The following MB21D2 variants were observed in gnomAD, a reference collection of about 807,000 sequenced individuals.
The protein encoded by MB21D2 is nucleotidyltransferase MB21D2.
A neutral mutation model predicts 33.3 loss-of-function variants in MB21D2; 9 were observed. The ratio of observed to expected loss-of-function variants is 0.27; its 90% CI spans 0.16 to 0.47. MB21D2 has a LOEUF of 0.47. Among genes scored for constraint, MB21D2 ranks in the 20% least tolerant of loss-of-function variants. The pLI, the probability that MB21D2 is intolerant of heterozygous loss-of-function variation, is 0.99. For missense variants in MB21D2, 540 were observed against 624.6 expected (o/e 0.86, Z 1.44); for synonymous variants, 241 against 236.3 (o/e 1.02, Z -0.18).
At chr3:192,801,627 A>G (rs949670019) in intron 1 of MB21D2, among the ~76,000 whole-genome samples, 1 of 152,206 alleles carries the variant, frequency 6.6e-6, no homozygotes, top group Non-Finnish European at 1.5e-5. Flanking sequence ...GTGAGGACAC[A>G]GTGAGAAGAC....
chr3:192,872,377 C>G, intron 1 of MB21D2, among the ~76,000 whole-genome samples: 1 of 152,030 alleles, frequency 6.6e-6, no homozygotes, highest in Non-Finnish European at 1.5e-5. Context: ...GAGATCGAGA[C>G]CATCATGGCG....
rs143215278 is a variant in MB21D2, at chr3:192,839,418, TG to T, written c.212-39769del. On this transcript the variant is annotated intron_variant, in intron 1 of 1. Coordinates refer to ENST00000392452, the MANE Select transcript of MB21D2 (RefSeq NM_178496.4). ...GGTGTTCCTGGCAATTAGAACTGGA[TG>T]GGCCCTGTAAAATGTACTTAAACAA... Among the ~76,000 whole-genome samples, 53 of 152,308 alleles carry T rather than the reference TG, an allele frequency of 3.5e-4. 1 individual carries two copies. The East Asian group carries it at 0.01, about 29-fold the overall frequency.
At chr3:192,916,098 T>TATATATATATATATATATA (rs1714458733) in intron 1 of MB21D2, among the ~76,000 whole-genome samples, 1 of 139,168 alleles carries the variant, frequency 7.2e-6, no homozygotes, top group African/African-American at 2.8e-5. Context: ...CTACCAGGTT[T>TATATATATATATATATATA]TATATATATA....
rs1440125304 is a variant in MB21D2, at chr3:192,799,812, A to G, written c.212-162T>C. Among the ~76,000 whole-genome samples, 1 of 152,184 alleles carries G rather than the reference A, an allele frequency of 6.6e-6. No homozygotes were observed. Among genetic ancestry groups the G allele is most frequent in the Non-Finnish European group, 1.5e-5 (1 of 68,038 alleles). On this transcript the variant is annotated intron_variant, in intron 1 of 1. Coordinates refer to ENST00000392452, the MANE Select transcript of MB21D2 (RefSeq NM_178496.4). This position sits in a 1 kb window ranked among gnomAD's most constrained non-coding sequence, Gnocchi z 4.1. Reference sequence around the variant, plus strand: ...GAGACCTGGCCAACAGTACTTTCTCACTAGTGCTAGAATCCACCCTTTTCC... The same window carrying G: ...GAGACCTGGCCAACAGTACTTTCTCGCTAGTGCTAGAATCCACCCTTTTCC...
chr3:192,848,206 C>T (rs1021871886), intron 1 of MB21D2, among the ~76,000 whole-genome samples: 5 of 152,196 alleles, frequency 3.3e-5, no homozygotes, highest in African/African-American at 7.2e-5. Context: ...GCTTAACCCA[C>T]GGAAACTGAC....
intron 1 of MB21D2, among the ~76,000 whole-genome samples, chr3:192,816,980 C>T (rs1711939935): frequency 1.3e-5 from 2 of 152,078 alleles, no homozygotes; most frequent in South Asian, 4.2e-4. Context: ...CTTTGCAATC[C>T]TGAGAAAATG....
At chr3:192,853,815 C>T (rs1004861440) in intron 1 of MB21D2, among the ~76,000 whole-genome samples, 2 of 152,154 alleles carry the variant, frequency 1.3e-5, no homozygotes, top group African/African-American at 4.8e-5. Context: ...GGTTCACATG[C>T]GTCTCTGTGT....
intron 1 of MB21D2, among the ~76,000 whole-genome samples, chr3:192,853,544 G>A (rs1450093290): frequency 6.6e-6 from 1 of 152,116 alleles, no homozygotes; most frequent in Non-Finnish European, 1.5e-5. Flanking sequence ...CATGCACGCT[G>A]AATATGCAAA....
chr3:192,896,365 C>CG (rs1412280854), intron 1 of MB21D2, among the ~76,000 whole-genome samples: 1 of 152,092 alleles, frequency 6.6e-6, no homozygotes. Flanking sequence ...CAGCGTCCTT[C>CG]GCCTTTTTTT....
chr3:192,889,865 A>G (rs1286323586), intron 1 of MB21D2, among the ~76,000 whole-genome samples: 1 of 152,120 alleles, frequency 6.6e-6, no homozygotes, highest in South Asian at 2.1e-4. Context: ...AAGGTCCTGA[A>G]CACCCACATC....
rs951436223 is a variant in MB21D2, at chr3:192,817,663, C to T, written c.212-18013G>A. Among the ~76,000 whole-genome samples the T allele has an allele frequency of 7.9e-5, 12 of 152,132 alleles. No homozygotes were observed. In the South Asian group the frequency reaches 1.0e-3, roughly 13 times the overall value. ...TTTGTGGTGTAGTGTCCTTCCTGCA[C>T]ACCCCATGCCACTGTGTGTCACTGT... On this transcript the variant is annotated intron_variant, in intron 1 of 1. Transcript: ENST00000392452.
intron 1 of MB21D2, among the ~76,000 whole-genome samples, chr3:192,896,871 G>A (rs1055174957): frequency 2.6e-5 from 4 of 152,108 alleles, no homozygotes; most frequent in African/African-American, 9.7e-5. Flanking sequence ...GGACCCCCTA[G>A]GAGGAGCAAA....
chr3:192,803,221 C>T (rs1711591781), intron 1 of MB21D2, among the ~76,000 whole-genome samples: 1 of 152,158 alleles, frequency 6.6e-6, no homozygotes, highest in Non-Finnish European at 1.5e-5. Context: ...AAAATTCCTG[C>T]CAATGATAAA....
chr3:192,809,726 GA>G (rs1711745717), intron 1 of MB21D2, among the ~76,000 whole-genome samples: 1 of 152,176 alleles, frequency 6.6e-6, no homozygotes, highest in Admixed American at 6.5e-5. Context: ...ATGGGTCAAG[GA>G]TCATAGGAAA....
chr3:192,846,597 G>A (rs975073958), intron 1 of MB21D2, among the ~76,000 whole-genome samples: 6 of 152,096 alleles, frequency 3.9e-5, no homozygotes, highest in Admixed American at 6.5e-5. Context: ...GGAACTTGGA[G>A]ATTTGGGATC....
At chr3:192,877,146 C>G (rs1713449164) in intron 1 of MB21D2, among the ~76,000 whole-genome samples, 1 of 152,140 alleles carries the variant, frequency 6.6e-6, no homozygotes, top group Non-Finnish European at 1.5e-5. Flanking sequence ...TTTGTGTTAG[C>G]CAGGGCCTGA....
At chr3:192,850,207 C>T (rs1437601800) in intron 1 of MB21D2, among the ~76,000 whole-genome samples, 3 of 152,100 alleles carry the variant, frequency 2.0e-5, no homozygotes, top group South Asian at 2.1e-4. Flanking sequence ...CATGAGCCAC[C>T]GCGCCCGGCC....
At chr3:192,917,407 G>T (rs1714491609) in intron 1 of MB21D2, among the ~76,000 whole-genome samples, 1 of 152,208 alleles carries the variant, frequency 6.6e-6, no homozygotes, top group Non-Finnish European at 1.5e-5. Context: ...CGAACAGGGG[G>T]AAAGGGAGAC....
At chr3:192,860,832 A>G (rs993329798) in intron 1 of MB21D2, among the ~76,000 whole-genome samples, 1 of 152,232 alleles carries the variant, frequency 6.6e-6, no homozygotes, top group African/African-American at 2.4e-5. Flanking sequence ...CCCAATCAGT[A>G]TTTTAGTGAG....
Sources: gnomAD v4.1 joint callset for allele counts (sites outside exome capture counted in the v4.1 genomes callset) on GRCh38, gnomAD v4.1.1 for gene constraint, Gnocchi (gnomAD v3.1) non-coding constraint, MANE v1.5 for transcripts, NCBI Gene and HGNC (gene_info 2026-07-23, HGNC 2026-07-21) for gene names.